C11orf65: variants seen among roughly 807,000 people sequenced by gnomAD.
C11orf65 encodes the protein protein MFI.
In C11orf65, 38 loss-of-function variants were observed where a neutral mutation model predicts 35.3. That is an observed-to-expected ratio of 1.08 (90% confidence interval 0.83 to 1.41). C11orf65 has a LOEUF of 1.41. C11orf65 is among the 40% of genes most tolerant of loss of function. C11orf65 has a pLI of 0.00. For synonymous variants in C11orf65, 105 were observed against 114.4 expected (o/e 0.92, Z 0.53); for missense variants, 370 against 367.1 (o/e 1.01, Z -0.06).
At chr11:108,383,375 G>A (rs371265597) in intron 8 of C11orf65, among the ~76,000 whole-genome samples, 200 bp from the exon 9 acceptor site, 4 of 152,086 alleles carry the variant, frequency 2.6e-5, no homozygotes, top group Non-Finnish European at 5.9e-5. Flanking sequence ...CCTACAAAAG[G>A]CTCTGCAGGA....
chr11:108,408,110 G>A (rs959113870), intron 3 of C11orf65, among the ~76,000 whole-genome samples: 2 of 151,098 alleles, frequency 1.3e-5, no homozygotes, highest in African/African-American at 4.9e-5. Context: ...CCATGCTGGT[G>A]CGCTGCACCC....
intron 2 of C11orf65, among the ~76,000 whole-genome samples, chr11:108,446,476 T>C (rs935152088): frequency 2.0e-5 from 3 of 151,698 alleles, no homozygotes; most frequent in African/African-American, 7.3e-5. Context: ...GGGGCCAATA[T>C]TCAACATTCT....
At position 108,343,389 on chromosome 11, in the gene C11orf65, T is replaced by C; in HGVS notation, c.227-8097A>G. The C allele has an allele frequency of 6.2e-7, 1 of 1,613,432 alleles. No individual in the cohort carries two copies. Among genetic ancestry groups the C allele is most frequent in the South Asian group, 1.1e-5 (1 of 91,082 alleles). On this transcript the variant is annotated intron_variant, in intron 2 of 3. Transcript: ENST00000524755. ...AAATGATGGTGAGTGACACCCAAAA[T>C]TAAAGGTTATTGTAAGATTATTTAA... is the stretch of plus-strand genomic sequence containing the variant.
Position 108,406,959 on chromosome 11 carries a change from T to G in C11orf65, c.233A>C (p.Lys78Thr). Residue 78 changes from lysine to threonine, a missense_variant, in exon 5 of 9, where the codon AAA becomes ACA. Transcript: ENST00000393084. ...CTTATAGTATATATCAGGTGGAAAT[T>G]TAACCTGTAGAAGGAAAAGTTCAAA... ...IHVRFRLGGVKFPPDIYYKIF... is the reference protein window; with the variant it reads ...IHVRFRLGGVTFPPDIYYKIF... The G allele has an allele frequency of 6.2e-7, 1 of 1,606,032 alleles. No homozygotes were observed. Among genetic ancestry groups the G allele is most frequent in the Non-Finnish European group, 8.5e-7 (1 of 1,173,446 alleles).
chr11:108,379,237 A>T (rs2091809427), downstream of C11orf65, among the ~76,000 whole-genome samples: 1 of 152,210 alleles, frequency 6.6e-6, no homozygotes, highest in Non-Finnish European at 1.5e-5. Flanking sequence ...CAAATGTCCA[A>T]AAATGATAGA....
intron 6 of C11orf65, among the ~76,000 whole-genome samples, chr11:108,311,312 A>G (rs1191230134): frequency 6.6e-6 from 1 of 152,096 alleles, no homozygotes; most frequent in Non-Finnish European, 1.5e-5. Context: ...CCATTTGTGT[A>G]CAGAAATGTA....
chr11:108,443,419 A>G (rs138298406), intron 2 of C11orf65, among the ~76,000 whole-genome samples: 1,734 of 152,158 alleles, frequency 0.011, 16 homozygotes, highest in Middle Eastern at 0.031. Flanking sequence ...AGATCAACGA[A>G]ACAGAAGGTT....
intron 3 of C11orf65, among the ~76,000 whole-genome samples, chr11:108,427,899 C>T (rs1345973427): frequency 6.6e-5 from 7 of 105,320 alleles, no homozygotes; most frequent in Admixed American, 6.5e-4. Flanking sequence ...GGCGGGATCT[C>T]GGCTCACTGC....
chr11:108,420,511 C>G (rs764702064), intron 3 of C11orf65, among the ~76,000 whole-genome samples: 1 of 152,182 alleles, frequency 6.6e-6, no homozygotes, highest in Non-Finnish European at 1.5e-5. Flanking sequence ...GACCTAGCAT[C>G]ACTGGAAAGG....
chr11:108,380,924 C>T (rs958937057), downstream of C11orf65, among the ~76,000 whole-genome samples: 2 of 152,028 alleles, frequency 1.3e-5, no homozygotes, highest in African/African-American at 2.4e-5. Flanking sequence ...GGCTTTCTGA[C>T]CAAGGGACCA....
chr11:108,428,580 A>C (rs2092941737), intron 3 of C11orf65, among the ~76,000 whole-genome samples: 1 of 152,192 alleles, frequency 6.6e-6, no homozygotes, highest in Non-Finnish European at 1.5e-5. Flanking sequence ...CAGACACCGC[A>C]CATTCTCACT....
intron 2 of C11orf65, among the ~76,000 whole-genome samples, chr11:108,344,045 C>T (rs915087847): frequency 2.6e-5 from 4 of 152,152 alleles, no homozygotes; most frequent in Non-Finnish European, 5.9e-5. Flanking sequence ...AGAACTTGCC[C>T]AAGGCCAGTG....
At position 108,354,058 on chromosome 11, in the gene C11orf65, TACACACACACAAACAC is replaced by T. The variant is rs1177146632; in HGVS notation, c.227-18782_227-18767del. On this transcript the variant is annotated intron_variant, in intron 2 of 3. Transcript: ENST00000524755. ...CAGCAAGACCCTGTATCTAAAAAAA[TACACACACACAAACAC>T]ACACACACACACACACACACACACA... Among the ~76,000 whole-genome samples the T allele has an allele frequency of 2.7e-4, 18 of 67,054 alleles. No homozygotes were observed. In the East Asian group the frequency reaches 2.7e-3, roughly 10 times the overall value. The allele number at this position is 67,054 out of a possible 152,430, so 44.0% of individuals were successfully genotyped here. A position where few individuals can be genotyped will look rare whatever the true frequency, so the allele number is the denominator to read the frequency against.
At chr11:108,379,643 T>TA (rs569490492), downstream of C11orf65, among the ~76,000 whole-genome samples, 142 of 147,484 alleles carry the variant, frequency 9.6e-4, 1 homozygote, top group East Asian at 9.6e-3. Flanking sequence ...AAAATAAAAT[T>TA]AAAAAAAAAA....
At position 108,368,212 on chromosome 11, in the gene C11orf65, AT is replaced by A. The variant is rs532373195; in HGVS notation, c.226+24995del. The A allele has an allele frequency of 1.3e-3, 240 of 189,570 alleles. 1 individual carries two copies. The highest frequency in any genetic ancestry group is 2.2e-3 in the East Asian group (27 of 12,046). The allele number at this position is 189,570 out of a possible 1,614,324, so 11.7% of individuals were successfully genotyped here. Reference sequence around the variant, plus strand: ...GATGACAGAATTAAGATTATAAAAGATTTTTTTTTTGTAATTTTAGTAGAGA... The same window carrying A: ...GATGACAGAATTAAGATTATAAAAGATTTTTTTTTGTAATTTTAGTAGAGA... On this transcript the variant is annotated intron_variant, in intron 2 of 3. Coordinates refer to the C11orf65 transcript ENST00000524755.
At position 108,426,399 on chromosome 11, in the gene C11orf65, T is replaced by C. The variant is rs540951935; in HGVS notation, c.174+5347A>G. On this transcript the variant is annotated intron_variant, in intron 3 of 8. Coordinates refer to ENST00000393084, the MANE Select transcript of C11orf65 (RefSeq NM_152587.5). ...ATAATGAGTGAGCTCTCATTCACAA[T>C]TGCTACAAAGAGAATAAAATACCTA... is the stretch of plus-strand genomic sequence containing the variant. Among the ~76,000 whole-genome samples the C allele has an allele frequency of 2.6e-5, 4 of 152,128 alleles. No individual in the cohort carries two copies. In the East Asian group the frequency reaches 7.7e-4, roughly 29 times the overall value.
In C11orf65 at chr11:108,339,192, A is replaced by G. The variant is rs79180883; in HGVS notation, c.227-3900T>C. 6.0e-3 allele frequency among the ~76,000 whole-genome samples: 918 copies of G among 152,252 alleles called. 6 individuals are homozygous for G. Among genetic ancestry groups the G allele is most frequent in the East Asian group, 0.01 (54 of 5,182 alleles). ...TGGCTGGCCCCATTTTTCTCCACCA[A>G]AACTATGCATTGTTACAAAGTATAC... On this transcript the variant is annotated intron_variant, in intron 2 of 3. Transcript: ENST00000524755.
At chr11:108,409,133 T>C (rs930624702) in intron 3 of C11orf65, among the ~76,000 whole-genome samples, 1 of 152,202 alleles carries the variant, frequency 6.6e-6, no homozygotes, top group African/African-American at 2.4e-5. Flanking sequence ...CATGAATCTG[T>C]GATAAATCTC....
intron 7 of C11orf65, among the ~76,000 whole-genome samples, chr11:108,390,430 C>T (rs950298762): frequency 6.6e-6 from 1 of 152,172 alleles, no homozygotes; most frequent in African/African-American, 2.4e-5. Context: ...TTTTTCTTCC[C>T]TTTGAACTCA....
Sources: gnomAD v4.1 joint callset for allele counts (sites outside exome capture counted in the v4.1 genomes callset) on GRCh38, gnomAD v4.1.1 for gene constraint, MANE v1.5 for transcripts, NCBI Gene and HGNC (gene_info 2026-07-23, HGNC 2026-07-21) for gene names.